RBM33: variants seen among roughly 807,000 people sequenced by gnomAD.
RBM33 encodes RNA binding motif protein 33.
RBM33 carries 28 observed loss-of-function variants against 132.6 expected under a neutral mutation model. The observed-to-expected ratio is 0.21, with a 90% confidence interval of 0.16 to 0.29. The LOEUF is 0.29. Among genes scored for constraint, RBM33 ranks in the 10% least tolerant of loss-of-function variants. The pLI is 1.00. For synonymous variants in RBM33, 634 were observed against 593.0 expected (o/e 1.07, Z -1.01); for missense variants, 1,291 against 1,518.5 (o/e 0.85, Z 2.49).
At chr7:155,687,216 T>C (rs1218205418) in intron 5 of RBM33, among the ~76,000 whole-genome samples, 5 of 152,262 alleles carry the variant, frequency 3.3e-5, no homozygotes, top group African/African-American at 7.2e-5. Context: ...TGATTTGCAT[T>C]TCTCTGATGG....
chr7:155,678,568 G>A (rs1799248892), intron 3 of RBM33, 40 bp from the exon 4 acceptor site: 1 of 1,232,260 alleles, frequency 8.1e-7, no homozygotes, highest in Non-Finnish European at 1.2e-6. Flanking sequence ...GTCTTTTTAT[G>A]GAAGTGACAC....
chr7:155,762,624 C>G (rs1802073104), intron 14 of RBM33, among the ~76,000 whole-genome samples: 1 of 152,174 alleles, frequency 6.6e-6, no homozygotes, highest in South Asian at 2.1e-4. Context: ...CCATCTTGCC[C>G]CAATCCCATG....
At chr7:155,713,791 T>TA (rs1800377805) in intron 8 of RBM33, among the ~76,000 whole-genome samples, 1 of 152,210 alleles carries the variant, frequency 6.6e-6, no homozygotes, top group South Asian at 2.1e-4. Context: ...TCATTGCACT[T>TA]ACAGAAAAGA....
chr7:155,672,096 A>T (rs775636097), intron 2 of RBM33, among the ~76,000 whole-genome samples: 10 of 151,766 alleles, frequency 6.6e-5, no homozygotes, highest in Non-Finnish European at 1.0e-4. Flanking sequence ...GTTCGTTTTT[A>T]AAATTTATTT....
intron 11 of RBM33, 70 bp downstream of exon 11, chr7:155,738,473 C>G: frequency 7.2e-7 from 1 of 1,395,202 alleles, no homozygotes; most frequent in Non-Finnish European, 9.7e-7. Context: ...CATAAAGTTT[C>G]AGATTTTTAT....
chr7:155,723,724 A>G (rs1295538914), intron 9 of RBM33, among the ~76,000 whole-genome samples: 3 of 152,190 alleles, frequency 2.0e-5, no homozygotes, highest in African/African-American at 7.2e-5. Flanking sequence ...TAATTAGTCA[A>G]AGGCCAGGGG....
intron 14 of RBM33, among the ~76,000 whole-genome samples, chr7:155,759,887 C>G (rs890451928): frequency 6.6e-5 from 10 of 152,214 alleles, no homozygotes; most frequent in African/African-American, 2.4e-4. Flanking sequence ...TGCTGTCCGT[C>G]ATGTTCTGTG....
chr7:155,739,806 AGCCCCCGCACCAGCCCCC>A lies in RBM33; in HGVS notation c.1835_1852del (p.Pro612_Pro617del). ...CCGCCACAGCACCAGCCTCCGCACC[AGCCCCCGCACCAGCCCCC>A]GCCCCAGCACCAGCCCCCACCCCAG... On this transcript the variant is annotated inframe_deletion, in exon 12 of 18. Transcript: ENST00000401878. The A allele has an allele frequency of 6.5e-6, 8 of 1,227,758 alleles. No homozygotes were observed. Among genetic ancestry groups the A allele is most frequent in the Non-Finnish European group, 8.7e-6 (8 of 920,124 alleles). 76.1% of individuals were successfully genotyped at this position (1,227,758 alleles called of 1,614,324 possible).
chr7:155,719,259 CT>C (rs1417161989), intron 9 of RBM33, among the ~76,000 whole-genome samples: 1 of 151,682 alleles, frequency 6.6e-6, no homozygotes, highest in African/African-American at 2.4e-5. Flanking sequence ...CAGAGGTAGT[CT>C]TATTTAGGTT....
intron 5 of RBM33, among the ~76,000 whole-genome samples, chr7:155,683,224 G>A (rs1799383798): frequency 6.6e-6 from 1 of 152,160 alleles, no homozygotes; most frequent in Non-Finnish European, 1.5e-5. Context: ...TGGACAGGAG[G>A]AGATACGCAG....
chr7:155,737,653 T>C lies in RBM33; in HGVS notation c.1384T>C (p.Phe462Leu), dbSNP rs373974774. The change falls in exon 10 of 18, where the codon TTC becomes CTC. Residue 462 changes from phenylalanine (F) to leucine (L), a missense_variant. Physicochemically the swap from Phe to Leu is conservative, Grantham distance 22. Coordinates refer to ENST00000401878, the MANE Select transcript of RBM33 (RefSeq NM_053043.3). ...PPPPQDRDPF[F>L]LGVSGEPRFP... is the part of the protein sequence containing the mutation. ...CCCGCCTCAGGATCGAGACCCTTTC[T>C]TCTTAGGAGGTACAGAAAGAGTGAG... 5.7e-6 allele frequency: 9 copies of C among 1,587,944 alleles called. No homozygotes were observed. The highest frequency in any genetic ancestry group is 7.7e-6 in the Non-Finnish European group (9 of 1,169,890).
chr7:155,671,445 A>T (rs1354409445), intron 2 of RBM33, among the ~76,000 whole-genome samples: 1 of 152,190 alleles, frequency 6.6e-6, no homozygotes, highest in Non-Finnish European at 1.5e-5. Flanking sequence ...GGATAACTTA[A>T]AATAACGAAT....
intron 9 of RBM33, among the ~76,000 whole-genome samples, chr7:155,731,735 G>A (rs1800962546): frequency 6.6e-6 from 1 of 152,166 alleles, no homozygotes; most frequent in Non-Finnish European, 1.5e-5. Context: ...AATTGATGGT[G>A]GGTAACTCAA....
At chr7:155,666,926 A>T (rs1798817397) in intron 2 of RBM33, among the ~76,000 whole-genome samples, 1 of 152,192 alleles carries the variant, frequency 6.6e-6, no homozygotes. Context: ...TAAAACATGA[A>T]CAAAAATGTA....
Position 155,738,325 on chromosome 7 carries a change from C to T in RBM33, c.1659C>T (p.Pro553=), listed in dbSNP as rs748373298. The T allele has an allele frequency of 3.8e-5, 62 of 1,613,884 alleles. No individual in the cohort carries two copies. Among genetic ancestry groups the T allele is most frequent in the Non-Finnish European group, 4.9e-5 (58 of 1,179,906 alleles). ...FSQPGSATTR[P]FIPPRQPFLP... ...AGCCTGGGTCGGCAACCACACGGCC[C>T]TTCATTCCTCCTAGACAGCCGTTCC... The change falls in exon 11 of 18, where the codon CCC becomes CCT. Residue 553 remains proline, a synonymous_variant. Coordinates refer to ENST00000401878, the MANE Select transcript of RBM33 (RefSeq NM_053043.3).
At chr7:155,657,819 A>T (rs559587409) in intron 1 of RBM33, among the ~76,000 whole-genome samples, 12 of 152,310 alleles carry the variant, frequency 7.9e-5, no homozygotes, top group African/African-American at 2.6e-4. Context: ...ATAGATAGGG[A>T]ATGCTCCTTG....
intron 15 of RBM33, among the ~76,000 whole-genome samples, chr7:155,765,005 A>T (rs920891830): frequency 1.3e-5 from 2 of 152,236 alleles, no homozygotes; most frequent in African/African-American, 2.4e-5. Context: ...TTCTTTAAAG[A>T]TCGCTGTGGT....
At chr7:155,716,835 CATTAG>C (rs1421214838) in intron 8 of RBM33, among the ~76,000 whole-genome samples, 3 of 152,190 alleles carry the variant, frequency 2.0e-5, no homozygotes, top group African/African-American at 4.8e-5. Context: ...AATTTGGACT[CATTAG>C]ATTAGTCTGT....
At chr7:155,658,707 G>A (rs1798561243) in intron 1 of RBM33, among the ~76,000 whole-genome samples, 1 of 152,172 alleles carries the variant, frequency 6.6e-6, no homozygotes, top group South Asian at 2.1e-4. Context: ...CTGCTTGTTT[G>A]TTTTTAATCC....
Sources: gnomAD v4.1 joint callset for allele counts (sites outside exome capture counted in the v4.1 genomes callset) on GRCh38, gnomAD v4.1.1 for gene constraint, MANE v1.5 for transcripts, NCBI Gene and HGNC (gene_info 2026-07-23, HGNC 2026-07-21) for gene names.